TWIST2: variants seen among roughly 807,000 people sequenced by gnomAD.
TWIST2 encodes twist family bHLH transcription factor 2, also known as twist-related protein 2.
TWIST2 carries 1 observed loss-of-function variant against 11.6 expected under a neutral mutation model. The ratio of observed to expected loss-of-function variants is 0.09; its 90% CI spans 0.03 to 0.41. TWIST2 has a LOEUF of 0.41. Ranked by LOEUF, TWIST2 falls within the 10% of genes least tolerant of loss-of-function variation. TWIST2 has a pLI of 0.98. For synonymous variants in TWIST2, 87 were observed against 96.6 expected, an observed-to-expected ratio of 0.90 and a Z score of 0.58; for missense variants, 168 against 226.4, an observed-to-expected ratio of 0.74 and a Z score of 1.66.
intron 1 of TWIST2, among the ~76,000 whole-genome samples, chr2:238,895,242 C>G (rs2106370980): frequency 6.6e-6 from 1 of 152,364 alleles, no homozygotes; most frequent in South Asian, 2.1e-4. Flanking sequence ...AAGGTATTTC[C>G]AGCCCAGGGC....
intron 1 of TWIST2, among the ~76,000 whole-genome samples, chr2:238,904,816 C>T (rs1693321749): frequency 6.7e-6 from 1 of 149,574 alleles, no homozygotes; most frequent in Non-Finnish European, 1.5e-5. Context: ...GGGAAGGAAG[C>T]GGAAGGAAGG....
At chr2:238,853,483 C>A (rs1430060113) in intron 1 of TWIST2, among the ~76,000 whole-genome samples, 1 of 111,346 alleles carries the variant, frequency 9.0e-6, no homozygotes, top group East Asian at 2.2e-4. Context: ...GAGAGAGAAA[C>A]TCAAACCCTA....
At position 238,867,410 on chromosome 2, in the gene TWIST2, C is replaced by CACACACAT. The variant is rs1242847436; in HGVS notation, c.*35+18679_*35+18680insACACATAC. Among the ~76,000 whole-genome samples, 2 of 149,590 alleles carry CACACACAT rather than the reference C, an allele frequency of 1.3e-5. No homozygotes were observed. The highest frequency in any genetic ancestry group is 3.0e-5 in the Non-Finnish European group (2 of 66,978). ...ACACACACACACACACACACACACA[C>CACACACAT]ACTCCTCAGTAAAATACCCAGTTCT... On this transcript the variant is annotated intron_variant, in intron 1 of 1. Coordinates refer to ENST00000612363, the MANE Select transcript of TWIST2 (RefSeq NM_001271893.4). The surrounding 1 kb of genome is among the most constrained non-coding windows in gnomAD (Gnocchi z 4.8).
chr2:238,889,955 TGGAGGCTGCCCAGCCTGGCCTGTGC>T (rs67289252), intron 1 of TWIST2, among the ~76,000 whole-genome samples: 23,398 of 64,848 alleles, frequency 0.36, 2,200 homozygotes, highest in Non-Finnish European at 0.48. Context: ...GCTGCCTGGG[TGGAGGCTGCCCAGCCTGGCCTGTGC>T]GGAGGCTGCC....
At chr2:238,902,783 TGTG>T (rs1441564868) in intron 1 of TWIST2, among the ~76,000 whole-genome samples, 5 of 141,830 alleles carry the variant, frequency 3.5e-5, no homozygotes, top group Non-Finnish European at 7.6e-5. Flanking sequence ...GTGTGTGTGA[TGTG>T]GGGTGTTGTG....
Position 238,848,495 on chromosome 2 carries a change from C to A in TWIST2, c.280C>A (p.Pro94Thr). The A allele has an allele frequency of 6.3e-7, 1 of 1,585,100 alleles. No individual in the cohort carries two copies. Residue 94 changes from proline to threonine, a missense_variant, in exon 1 of 2, where the codon CCC becomes ACC. By Grantham distance (38) the Pro-to-Thr change is conservative (BLOSUM62 -1). Around this residue, in one of 3 missense-constraint regions of TWIST2, gnomAD observed 23 missense variants for 58.5 expected, o/e 0.39. Transcript: ENST00000612363. ...CTTCGCGGCGCTGCGCAAGATCATC[C>A]CCACGCTGCCCTCTGACAAGCTGAG... The part of the protein sequence containing the change: ...EAFAALRKII[P>T]TLPSDKLSKI...
chr2:238,853,348 C>G (rs1692273678), intron 1 of TWIST2, among the ~76,000 whole-genome samples: 1 of 146,070 alleles, frequency 6.8e-6, no homozygotes, highest in Non-Finnish European at 1.5e-5. Flanking sequence ...GAGCCATAAG[C>G]AGTGAGAGGG....
At chr2:238,870,568 C>CACACACCACA (rs1692658997) in intron 1 of TWIST2, among the ~76,000 whole-genome samples, 6 of 14,436 alleles carry the variant, frequency 4.2e-4, no homozygotes, top group Admixed American at 1.6e-3. Flanking sequence ...ACACCACACA[C>CACACACCACA]CACACACCAC....
intron 1 of TWIST2, among the ~76,000 whole-genome samples, chr2:238,895,876 C>T (rs1693201049): frequency 6.6e-6 from 1 of 152,170 alleles, no homozygotes; most frequent in Non-Finnish European, 1.5e-5. Context: ...CTCGCCCTCT[C>T]CCCTGGTTTC....
chr2:238,898,351 A>C (rs1693229403), intron 1 of TWIST2, among the ~76,000 whole-genome samples: 1 of 152,226 alleles, frequency 6.6e-6, no homozygotes, highest in African/African-American at 2.4e-5. Flanking sequence ...TCTTAGATGA[A>C]CTGGAGATTT....
intron 1 of TWIST2, among the ~76,000 whole-genome samples, chr2:238,909,214 T>TG (rs1693412402): frequency 1.9e-4 from 4 of 21,408 alleles, no homozygotes; most frequent in Admixed American, 5.1e-4. Flanking sequence ...GTATGTGGGG[T>TG]GGGGTGTGTT....
intron 1 of TWIST2, among the ~76,000 whole-genome samples, chr2:238,907,727 C>T (rs1476701059): frequency 6.7e-6 from 1 of 148,176 alleles, no homozygotes. Context: ...CACACACAAA[C>T]ACACACATAA....
chr2:238,907,963 C>A lies in TWIST2; in HGVS notation c.*36-1879C>A, dbSNP rs910147434. On this transcript the variant is annotated intron_variant, in intron 1 of 1. Transcript: ENST00000612363. ...ACACATCACATGGCACACAAACATA[C>A]CACACACTACACACACACCCCACAT... is the stretch of plus-strand genomic sequence containing the variant. 9.1e-4 allele frequency among the ~76,000 whole-genome samples: 136 copies of A among 149,656 alleles called. 1 individual carries two copies. Among genetic ancestry groups the A allele is most frequent in the African/African-American group, 3.1e-3 (124 of 40,492 alleles).
intron 1 of TWIST2, among the ~76,000 whole-genome samples, chr2:238,871,479 CCCACACACA>C (rs1692700539): frequency 1.1e-5 from 1 of 91,766 alleles, no homozygotes; most frequent in Non-Finnish European, 2.3e-5. Flanking sequence ...CCACATCCCT[CCCACACACA>C]CCACACACAC....
intron 1 of TWIST2, among the ~76,000 whole-genome samples, chr2:238,870,845 CCA>C (rs1256345661): frequency 5.6e-5 from 3 of 53,318 alleles, no homozygotes; most frequent in African/African-American, 1.9e-4. Context: ...CCCCCACACG[CCA>C]CACACACACC....
chr2:238,861,205 C>T (rs775350967), intron 1 of TWIST2, among the ~76,000 whole-genome samples: 1 of 152,232 alleles, frequency 6.6e-6, no homozygotes, highest in Non-Finnish European at 1.5e-5. Context: ...TGGCCCCCAT[C>T]AGTCACCGCC....
At chr2:238,899,795 C>T (rs1449724466) in intron 1 of TWIST2, among the ~76,000 whole-genome samples, 9 of 152,270 alleles carry the variant, frequency 5.9e-5, no homozygotes, top group South Asian at 2.1e-4. Flanking sequence ...CAGGCGGCAA[C>T]GTTCTAGCCT....
At chr2:238,902,253 G>A (rs1189062349) in intron 1 of TWIST2, among the ~76,000 whole-genome samples, 1 of 151,436 alleles carries the variant, frequency 6.6e-6, no homozygotes, top group African/African-American at 2.4e-5. Flanking sequence ...GTGGTAAGGA[G>A]TTTGTATGAA....
chr2:238,903,202 G>GGT (rs1193582278), intron 1 of TWIST2, among the ~76,000 whole-genome samples: 2 of 145,758 alleles, frequency 1.4e-5, no homozygotes, highest in African/African-American at 2.6e-5. Flanking sequence ...TGTGATGTGG[G>GGT]GTATGTGATG....
Sources: allele counts gnomAD v4.1 joint callset (sites outside exome capture counted in the v4.1 genomes callset), GRCh38; gene constraint gnomAD v4.1.1; regional missense constraint gnomAD v4.1.1; non-coding constraint Gnocchi (gnomAD v3.1); transcripts MANE v1.5; gene names NCBI Gene and HGNC (gene_info 2026-07-23, HGNC 2026-07-21).